NLGN1: variants seen among roughly 807,000 people sequenced by gnomAD.
The protein encoded by NLGN1 is neuroligin-1.
A neutral mutation model predicts 65.5 loss-of-function variants in NLGN1; 12 were observed. The observed-to-expected ratio is 0.18, with a 90% confidence interval of 0.12 to 0.30. The LOEUF is 0.30. NLGN1 is among the 10% of genes least tolerant of loss of function. The pLI is 1.00. For synonymous variants in NLGN1, 350 were observed against 359.5 expected, an observed-to-expected ratio of 0.97 and a Z score of 0.30; for missense variants, 750 against 1,007.1, an observed-to-expected ratio of 0.74 and a Z score of 3.46.
At position 173,594,482 on chromosome 3, in the gene NLGN1, T is replaced by C. The variant is rs144761822; in HGVS notation, c.-320-9797T>C. Among the ~76,000 whole-genome samples the C allele has an allele frequency of 5.5e-3, 841 of 152,330 alleles. 16 individuals are homozygous for C. The highest frequency in any genetic ancestry group is 0.042 in the Admixed American group (641 of 15,294). On this transcript the variant is annotated intron_variant, in intron 2 of 6. Coordinates refer to ENST00000457714, the Ensembl canonical transcript of NLGN1. ...TTGGGCAGCTCTACCCCTGTGGCTT[T>C]GCAGGGTCCAACCTCCCTCCCAGCT... is the stretch of plus-strand genomic sequence containing the variant.
At position 174,228,107 on chromosome 3, in the gene NLGN1, G is replaced by A. The variant is rs146201526; in HGVS notation, c.647-47208G>A. On this transcript the variant is annotated intron_variant, in intron 4 of 6. Transcript: ENST00000457714. ...TTTACATTGAAATTGTTTATCAATT[G>A]GTTCTTCCAAAGAGAATTCTTCAGT... Among the ~76,000 whole-genome samples, 186 of 151,468 alleles carry A rather than the reference G, an allele frequency of 1.2e-3. 1 individual carries two copies. Among genetic ancestry groups the A allele is most frequent in the Middle Eastern group, 6.8e-3 (2 of 292 alleles).
intron 4 of NLGN1, among the ~76,000 whole-genome samples, chr3:174,022,561 TAGAC>T (rs1443901277): frequency 3.3e-5 from 5 of 152,202 alleles, no homozygotes; most frequent in Non-Finnish European, 5.9e-5. Flanking sequence ...AGTACTGTGA[TAGAC>T]AGAACAAGAT....
chr3:174,145,772 A>G (rs1486496420), intron 4 of NLGN1, among the ~76,000 whole-genome samples: 1 of 152,190 alleles, frequency 6.6e-6, no homozygotes, highest in Non-Finnish European at 1.5e-5. Context: ...AATTTTATGC[A>G]CTGTAAGGCT....
At chr3:173,747,193 TATATAATATATATATCTTTAA>T (rs1775558095) in intron 3 of NLGN1, among the ~76,000 whole-genome samples, 1 of 138,988 alleles carries the variant, frequency 7.2e-6, no homozygotes, top group East Asian at 2.0e-4. Context: ...AAACAATATA[TATATAATATATATATCTTTAA>T]GTATATATAT....
intron 2 of NLGN1, among the ~76,000 whole-genome samples, chr3:173,506,610 CTAT>C (rs1186121415): frequency 2.0e-5 from 3 of 152,008 alleles, no homozygotes; most frequent in African/African-American, 7.2e-5. Context: ...AAACCTGCTA[CTAT>C]GTTTTGTTAC....
intron 4 of NLGN1, among the ~76,000 whole-genome samples, chr3:173,904,401 T>C (rs1737948810): frequency 2.0e-5 from 3 of 152,168 alleles, no homozygotes; most frequent in Admixed American, 2.0e-4. Flanking sequence ...AATCTCTTTG[T>C]CCTGGCTTCT....
At chr3:173,571,529 T>C (rs1191597261) in intron 2 of NLGN1, among the ~76,000 whole-genome samples, 1 of 152,196 alleles carries the variant, frequency 6.6e-6, no homozygotes, top group Non-Finnish European at 1.5e-5. Flanking sequence ...TACTGGACAA[T>C]TTTATCCATA....
At chr3:173,913,455 G>A (rs1184993436) in intron 4 of NLGN1, among the ~76,000 whole-genome samples, 1 of 152,170 alleles carries the variant, frequency 6.6e-6, no homozygotes, top group Non-Finnish European at 1.5e-5. Context: ...TTTTCTAGCT[G>A]AGTCTTTTTA....
In NLGN1 at chr3:174,071,543, A is replaced by T. The variant is rs114467784; in HGVS notation, c.647-203772A>T. On this transcript the variant is annotated intron_variant, in intron 4 of 6. Coordinates refer to ENST00000457714, the Ensembl canonical transcript of NLGN1. ...CAAAAACAAAACAAAACCAAAACACACATGAAAAAACAATTAGCTGGGCGT... is the reference window on the plus strand; with the variant it reads ...CAAAAACAAAACAAAACCAAAACACTCATGAAAAAACAATTAGCTGGGCGT... 6.1e-3 allele frequency among the ~76,000 whole-genome samples: 926 copies of T among 152,056 alleles called. 23 individuals carry two copies. The highest frequency in any genetic ancestry group is 0.037 in the East Asian group (189 of 5,134).
intron 4 of NLGN1, among the ~76,000 whole-genome samples, chr3:174,177,197 A>G (rs1423477419): frequency 6.6e-6 from 1 of 152,060 alleles, no homozygotes; most frequent in Non-Finnish European, 1.5e-5. Flanking sequence ...TTCTTATTAA[A>G]ATATTCATGG....
At chr3:174,289,587 T>C (rs899313861), downstream of NLGN1, among the ~76,000 whole-genome samples, 8 of 151,264 alleles carry the variant, frequency 5.3e-5, no homozygotes, top group African/African-American at 1.9e-4. Context: ...TGGTGCATTA[T>C]ATTAAATGTT....
chr3:173,837,366 A>G (rs1723841583), intron 4 of NLGN1, among the ~76,000 whole-genome samples: 1 of 152,130 alleles, frequency 6.6e-6, no homozygotes, highest in African/African-American at 2.4e-5. Flanking sequence ...ATTTAAATGC[A>G]CTCATCATAA....
At chr3:173,498,966 A>G (rs1185514513) in intron 2 of NLGN1, among the ~76,000 whole-genome samples, 1 of 151,608 alleles carries the variant, frequency 6.6e-6, no homozygotes, top group Non-Finnish European at 1.5e-5. Flanking sequence ...CCTTTGTCAG[A>G]TGAGTAGATT....
intron 2 of NLGN1, among the ~76,000 whole-genome samples, chr3:173,499,844 TG>T (rs1730724240): frequency 6.6e-6 from 1 of 151,926 alleles, no homozygotes; most frequent in African/African-American, 2.4e-5. Context: ...ACTCATGATT[TG>T]GCTCTCTGTT....
At chr3:173,889,111 AG>A (rs1371654195) in intron 4 of NLGN1, among the ~76,000 whole-genome samples, 1 of 152,188 alleles carries the variant, frequency 6.6e-6, no homozygotes, top group Non-Finnish European at 1.5e-5. Context: ...TAAATGTATG[AG>A]CATTTTGACA....
rs181872692 is a variant in NLGN1 at position 173,509,172 on chromosome 3, C to T, written c.-321+74094C>T. On this transcript the variant is annotated intron_variant, in intron 2 of 6. Transcript: ENST00000457714. ...TCCTTTTCCACCACCCACCCACTGCCACAAATAAGGCACTAAGTAAAATTC... is the reference window on the plus strand; with the variant it reads ...TCCTTTTCCACCACCCACCCACTGCTACAAATAAGGCACTAAGTAAAATTC... Among the ~76,000 whole-genome samples, 1,314 of 152,198 alleles carry T rather than the reference C, an allele frequency of 8.6e-3. 11 individuals carry two copies. The highest frequency in any genetic ancestry group is 0.014 in the Non-Finnish European group (972 of 68,012).
intron 4 of NLGN1, among the ~76,000 whole-genome samples, chr3:173,860,040 G>A (rs1247723376): frequency 6.6e-6 from 1 of 151,106 alleles, no homozygotes; most frequent in Admixed American, 6.6e-5. Flanking sequence ...TCACTATTTT[G>A]TTTCTTTGTT....
intron 4 of NLGN1, among the ~76,000 whole-genome samples, chr3:174,181,976 CAAAAAAAAAA>C (rs551914698): frequency 9.0e-5 from 4 of 44,396 alleles, no homozygotes; most frequent in African/African-American, 2.9e-4. Flanking sequence ...GACTTGGTGT[CAAAAAAAAAA>C]AAAAAAAAAA....
At chr3:174,179,033 T>G (rs1451318982) in intron 4 of NLGN1, among the ~76,000 whole-genome samples, 1 of 152,128 alleles carries the variant, frequency 6.6e-6, no homozygotes, top group Non-Finnish European at 1.5e-5. Context: ...GTAGTTATTA[T>G]TACCAGTGAA....
Sources: allele counts gnomAD v4.1 joint callset (sites outside exome capture counted in the v4.1 genomes callset), GRCh38; gene constraint gnomAD v4.1.1; transcripts MANE v1.5; gene names NCBI Gene and HGNC (gene_info 2026-07-23, HGNC 2026-07-21).